The following IFIT5 variants were observed in gnomAD, a reference collection of about 807,000 sequenced individuals.
IFIT5 encodes interferon induced protein with tetratricopeptide repeats 5, also known as interferon-induced protein with tetratricopeptide repeats 5.
IFIT5 carries 2 observed loss-of-function variants against 5.0 expected under a neutral mutation model. The observed-to-expected ratio is 0.40, with a 90% CI of 0.16 to 1.26. The LOEUF (loss-of-function observed/expected upper bound fraction) is 1.26. Ranked by LOEUF, IFIT5 falls within the 50% of genes most tolerant of loss-of-function variation. The pLI, the probability that IFIT5 is intolerant of heterozygous loss-of-function variation, is 0.33. For missense variants in IFIT5, 524 were observed against 563.2 expected (o/e 0.93, Z 0.70); for synonymous variants, 206 against 204.6 (o/e 1.01, Z -0.06).
chr10:89,415,001 C>G (rs543021525), intron 1 of IFIT5, among the ~76,000 whole-genome samples, 198 bp downstream of exon 1: 54 of 152,258 alleles, frequency 3.5e-4, no homozygotes, highest in East Asian at 2.3e-3. Flanking sequence ...TCGGGCCTGC[C>G]GGGGAGGGTG....
At chr10:89,416,045 C>T (rs1841533450) in intron 1 of IFIT5, among the ~76,000 whole-genome samples, 2 of 152,220 alleles carry the variant, frequency 1.3e-5, no homozygotes, top group Admixed American at 1.3e-4. Flanking sequence ...GCCTCAGCTT[C>T]CCGTGTAGCT....
Position 89,414,641 on chromosome 10 carries a change from CAA to C in IFIT5, c.-156_-155del, listed in dbSNP as rs1841510104. ...GCTGGGGCTGGGGTCTCTCCTTTAACAAAGACACGCCGCGCGGCCGAGTCCAG... is the reference window on the plus strand; with the variant it reads ...GCTGGGGCTGGGGTCTCTCCTTTAACAGACACGCCGCGCGGCCGAGTCCAG... On this transcript the variant is annotated 5_prime_UTR_variant, in exon 1 of 2. Coordinates refer to ENST00000371795, the MANE Select transcript of IFIT5 (RefSeq NM_012420.3). The C allele has an allele frequency of 4.3e-6, 3 of 702,622 alleles. No homozygotes were observed. Among genetic ancestry groups the C allele is most frequent in the Non-Finnish European group, 6.5e-6 (3 of 463,814 alleles). 43.5% of individuals were successfully genotyped at this position (702,622 alleles called of 1,614,324 possible). A position where few individuals can be genotyped will look rare whatever the true frequency, so the allele number is the denominator to read the frequency against.
chr10:89,417,710 C>A lies in IFIT5; in HGVS notation c.511C>A (p.Pro171Thr). The A allele has an allele frequency of 6.2e-7, 1 of 1,614,090 alleles. No homozygotes were observed. The highest frequency in any genetic ancestry group is 1.1e-5 in the South Asian group (1 of 91,072). ...AAFEKALEVE[P>T]DNPEFNIGYA... ...TTTTGAGAAGGCTCTGGAAGTGGAG[C>A]CTGACAATCCAGAATTTAACATCGG... Residue 171 changes from proline (P) to threonine (T), a missense_variant, in exon 2 of 2, where the codon CCT becomes ACT. Coordinates refer to ENST00000371795, the MANE Select transcript of IFIT5 (RefSeq NM_012420.3).
rs756055173 is a variant in IFIT5 at position 89,417,668 on chromosome 10, C to A, written c.469C>A (p.Gln157Lys). The A allele has an allele frequency of 6.2e-7, 1 of 1,614,202 alleles. No homozygotes were observed. Among genetic ancestry groups the A allele is most frequent in the South Asian group, 1.1e-5 (1 of 91,076 alleles). The change falls in exon 2 of 2, where the codon CAA becomes AAA. Residue 157 changes from glutamine (Q) to lysine (K), a missense_variant. Coordinates refer to ENST00000371795, the MANE Select transcript of IFIT5 (RefSeq NM_012420.3). ...ALLKFGGKYYQKAKAAFEKAL... is the reference protein window; with the variant it reads ...ALLKFGGKYYKKAKAAFEKAL... ...CTTGAAATTTGGAGGAAAGTATTATCAAAAGGCTAAAGCGGCTTTTGAGAA... is the reference window on the plus strand; with the variant it reads ...CTTGAAATTTGGAGGAAAGTATTATAAAAAGGCTAAAGCGGCTTTTGAGAA...
At position 89,419,953 on chromosome 10, in the gene IFIT5, G is replaced by GT. The variant is rs780936906; in HGVS notation, c.*1311dup. On this transcript the variant is annotated 3_prime_UTR_variant, in exon 2 of 2. Coordinates refer to ENST00000371795, the MANE Select transcript of IFIT5 (RefSeq NM_012420.3). ...TGTATGTGTGTGTGTTTTACTTTTT[G>GT]TTTTTTATCATCTTTAAAATTTCTA... The GT allele has an allele frequency of 6.6e-6, 1 of 151,130 alleles. No individual in the cohort carries two copies. 9.4% of individuals were successfully genotyped at this position (151,130 alleles called of 1,614,324 possible). A position where few individuals can be genotyped will look rare whatever the true frequency, so the allele number is the denominator to read the frequency against.
In IFIT5 at chr10:89,418,763, A is replaced by T; in HGVS notation, c.*115A>T. 1 of 1,053,406 alleles carries T rather than the reference A, an allele frequency of 9.5e-7. No individual in the cohort carries two copies. Among genetic ancestry groups the T allele is most frequent in the African/African-American group, 1.6e-5 (1 of 61,978 alleles). 65.3% of individuals were successfully genotyped at this position (1,053,406 alleles called of 1,614,324 possible). A position where few individuals can be genotyped will look rare whatever the true frequency, so the allele number is the denominator to read the frequency against. On this transcript the variant is annotated 3_prime_UTR_variant, in exon 2 of 2. Coordinates refer to ENST00000371795, the MANE Select transcript of IFIT5 (RefSeq NM_012420.3). ...ATTATAGAGCTAATATTTATTGAATAGTTATTGTGTACCAAGCATTGTGCT... is the reference window on the plus strand; with the variant it reads ...ATTATAGAGCTAATATTTATTGAATTGTTATTGTGTACCAAGCATTGTGCT...
chr10:89,414,904 AG>A, intron 1 of IFIT5, 101 bp downstream of exon 1: 1 of 1,459,186 alleles, frequency 6.9e-7, no homozygotes, highest in Non-Finnish European at 9.2e-7. Context: ...CGGCCTTTTC[AG>A]GGGCCGAGCC....
Position 89,419,614 on chromosome 10 carries a change from G to T in IFIT5, c.*966G>T, listed in dbSNP as rs542480478. The T allele has an allele frequency of 6.6e-6, 1 of 151,830 alleles. No homozygotes were observed. The highest frequency in any genetic ancestry group is 2.1e-4 in the South Asian group (1 of 4,816). The allele number at this position is 151,830 out of a possible 1,614,324, so 9.4% of individuals were successfully genotyped here. On this transcript the variant is annotated 3_prime_UTR_variant, in exon 2 of 2. Coordinates refer to ENST00000371795, the MANE Select transcript of IFIT5 (RefSeq NM_012420.3). ...TTTATACCCTCAATTTCTGGCCTTT[G>T]GCTATTTTAGCATTTCAAAGTGACT...
At chr10:89,417,104 A>G (rs1326091391) in intron 1 of IFIT5, 101 bp from the exon 2 acceptor site, 1 of 980,240 alleles carries the variant, frequency 1.0e-6, no homozygotes, top group Non-Finnish European at 1.5e-6. Context: ...GTAAGATCAA[A>G]TAGGGATAAA....
Position 89,417,794 on chromosome 10 carries a change from T to G in IFIT5, c.595T>G (p.Phe199Val). ...TGATAGAGAAGGGTCTGTAAAGAGC[T>G]TTTCTCTGGGGCCTTTGAGAAAGGC... The part of the protein sequence containing the change: ...DSDREGSVKS[F>V]SLGPLRKAVT... The change falls in exon 2 of 2, where the codon TTT (phenylalanine) becomes GTT (valine). Residue 199 changes from phenylalanine to valine, a missense_variant. Physicochemically the swap from Phe to Val is conservative, Grantham distance 50 (BLOSUM62 -1). Transcript: ENST00000371795. The G allele has an allele frequency of 6.2e-7, 1 of 1,614,168 alleles. No individual in the cohort carries two copies. Among genetic ancestry groups the G allele is most frequent in the Non-Finnish European group, 8.5e-7 (1 of 1,180,018 alleles).
Position 89,417,819 on chromosome 10 carries a change from C to T in IFIT5, c.620C>T (p.Ala207Val), listed in dbSNP as rs1460619261. 6.2e-7 allele frequency: 1 copy of T among 1,614,022 alleles called. No homozygotes were observed. Among genetic ancestry groups the T allele is most frequent in the Admixed American group, 1.7e-5 (1 of 60,002 alleles). Residue 207 changes from alanine (A) to valine (V), a missense_variant, in exon 2 of 2, where the codon GCT becomes GTT. Physicochemically the swap from Ala to Val is moderately conservative, Grantham distance 64. Coordinates refer to ENST00000371795, the MANE Select transcript of IFIT5 (RefSeq NM_012420.3). Reference protein sequence around the residue: ...KSFSLGPLRKAVTLNPDNSYI... With the variant: ...KSFSLGPLRKVVTLNPDNSYI... ...TTTTCTCTGGGGCCTTTGAGAAAGG[C>T]TGTTACCCTGAACCCAGATAACAGC...
chr10:89,418,276 C>T lies in IFIT5; in HGVS notation c.1077C>T (p.Asp359=). 1.2e-6 allele frequency: 2 copies of T among 1,614,208 alleles called. No homozygotes were observed. The highest frequency in any genetic ancestry group is 1.1e-5 in the South Asian group (1 of 91,074). Residue 359 remains aspartate (D), a synonymous_variant, in exon 2 of 2, where the codon GAC becomes GAT. Coordinates refer to ENST00000371795, the MANE Select transcript of IFIT5 (RefSeq NM_012420.3). The part of the protein sequence containing the change: ...AEGGQYSNAE[D]IFRKALRLEN... ...GAGGCCAGTATAGCAATGCTGAGGA[C>T]ATTTTCCGGAAAGCTCTTCGTCTGG...
At chr10:89,414,937 A>C in intron 1 of IFIT5, 134 bp downstream of exon 1, 1 of 1,219,034 alleles carries the variant, frequency 8.2e-7, no homozygotes, top group Non-Finnish European at 1.1e-6. Context: ...GCAACCGGGC[A>C]TCTGCGTTGG....
chr10:89,415,094 C>T (rs1279661609), intron 1 of IFIT5, among the ~76,000 whole-genome samples: 2 of 152,200 alleles, frequency 1.3e-5, no homozygotes, highest in South Asian at 2.1e-4. Context: ...GAGATGCTCC[C>T]CGGGAGCCTG....
chr10:89,415,607 C>T (rs117211926), intron 1 of IFIT5, among the ~76,000 whole-genome samples: 1 of 152,100 alleles, frequency 6.6e-6, no homozygotes, highest in African/African-American at 2.4e-5. Context: ...GGGCTAGCAC[C>T]CCGCCCTGCA....
In IFIT5 at chr10:89,417,947, T is replaced by C; in HGVS notation, c.748T>C (p.Tyr250His). Residue 250 changes from tyrosine (Y) to histidine (H), a missense_variant, in exon 2 of 2, where the codon TAC becomes CAC. Coordinates refer to ENST00000371795, the MANE Select transcript of IFIT5 (RefSeq NM_012420.3). ...CCTGGACCAAATATCATCCCAGCCTTACGTCCTTCGTTATGCAGCCAAGTT... is the reference window on the plus strand; with the variant it reads ...CCTGGACCAAATATCATCCCAGCCTCACGTCCTTCGTTATGCAGCCAAGTT... ...EILDQISSQP[Y>H]VLRYAAKFYR... is the part of the protein sequence containing the mutation. 6.2e-7 allele frequency: 1 copy of C among 1,614,188 alleles called. No homozygotes were observed. The highest frequency in any genetic ancestry group is 8.5e-7 in the Non-Finnish European group (1 of 1,180,030).
chr10:89,415,761 G>A (rs1841529939), intron 1 of IFIT5, among the ~76,000 whole-genome samples: 1 of 148,654 alleles, frequency 6.7e-6, no homozygotes, highest in African/African-American at 2.6e-5. Flanking sequence ...AACTCTGTGA[G>A]TCTGTTCCTT....
At position 89,420,824 on chromosome 10, in the gene IFIT5, A is replaced by C. The variant is rs1488412550; in HGVS notation, c.*2176A>C. On this transcript the variant is annotated 3_prime_UTR_variant, in exon 2 of 2. Coordinates refer to ENST00000371795, the MANE Select transcript of IFIT5 (RefSeq NM_012420.3). ...ATTTCCCAGTTGGAACTTGTGCAGCAAAGTTTGGGAGCTACTGATGGACAT... is the reference window on the plus strand; with the variant it reads ...ATTTCCCAGTTGGAACTTGTGCAGCCAAGTTTGGGAGCTACTGATGGACAT... 6.6e-6 allele frequency: 1 copy of C among 152,208 alleles called. No homozygotes were observed. Among genetic ancestry groups the C allele is most frequent in the African/African-American group, 2.4e-5 (1 of 41,466 alleles). 9.4% of individuals were successfully genotyped at this position (152,208 alleles called of 1,614,324 possible). A position where few individuals can be genotyped will look rare whatever the true frequency, so the allele number is the denominator to read the frequency against.
In IFIT5 at chr10:89,418,319, C is replaced by A. The variant is rs770337829; in HGVS notation, c.1120C>A (p.His374Asn). 3.5e-5 allele frequency: 56 copies of A among 1,614,046 alleles called. No individual in the cohort carries two copies. Among genetic ancestry groups the A allele is most frequent in the Non-Finnish European group, 4.6e-5 (54 of 1,180,006 alleles). Residue 374 changes from histidine to asparagine, a missense_variant, in exon 2 of 2, where the codon CAC becomes AAC. Coordinates refer to ENST00000371795, the MANE Select transcript of IFIT5 (RefSeq NM_012420.3). ...ALRLENITDD[H>N]KHQIHYHYGR... The stretch of plus-strand genomic sequence containing the variant: ...TCGTCTGGAGAACATAACCGATGAT[C>A]ACAAACATCAGATCCATTACCACTA...
Sources: gnomAD v4.1 joint callset for allele counts (sites outside exome capture counted in the v4.1 genomes callset) on GRCh38, gnomAD v4.1.1 for gene constraint, MANE v1.5 for transcripts, NCBI Gene and HGNC (gene_info 2026-07-23, HGNC 2026-07-21) for gene names.